Variants in FCHSD2 observed in about 807,000 individuals in gnomAD.
The protein encoded by FCHSD2 is FCH and double SH3 domains 2.
A neutral mutation model predicts 108.1 loss-of-function variants in FCHSD2; 38 were observed. That is an observed-to-expected ratio of 0.35 (90% CI 0.27 to 0.46). The LOEUF is 0.46. Among genes scored for constraint, FCHSD2 ranks in the 20% least tolerant of loss-of-function variants. FCHSD2 has a pLI of 1.00. For synonymous variants in FCHSD2, 279 were observed against 314.7 expected (o/e 0.89, Z 1.20); for missense variants, 751 against 897.8 (o/e 0.84, Z 2.09).
intron 8 of FCHSD2, 135 bp from the exon 9 acceptor site, chr11:72,922,085 T>G (rs1855985744): frequency 1.7e-6 from 1 of 604,370 alleles, no homozygotes; most frequent in African/African-American, 1.9e-5. Flanking sequence ...AGATACAGAT[T>G]GTAAGTAAAT....
At chr11:73,102,660 G>C (rs1006856120) in intron 2 of FCHSD2, among the ~76,000 whole-genome samples, 8 of 152,176 alleles carry the variant, frequency 5.3e-5, no homozygotes, top group Admixed American at 5.2e-4. Context: ...ATAGGGGTGA[G>C]ATTAATGCCA....
intron 3 of FCHSD2, among the ~76,000 whole-genome samples, chr11:73,021,564 G>A (rs746151468): frequency 2.6e-5 from 4 of 152,114 alleles, no homozygotes; most frequent in African/African-American, 7.2e-5. Context: ...TTGGAGGATG[G>A]AAGCTAGAAG....
intron 13 of FCHSD2, among the ~76,000 whole-genome samples, chr11:72,855,838 A>G (rs887437467): frequency 3.3e-5 from 5 of 152,222 alleles, no homozygotes; most frequent in Non-Finnish European, 7.3e-5. Flanking sequence ...AATGAGAAGA[A>G]TAAAGACTGG....
chr11:72,876,771 TC>T (rs1483569523), intron 12 of FCHSD2, among the ~76,000 whole-genome samples: 1 of 152,194 alleles, frequency 6.6e-6, no homozygotes, highest in Non-Finnish European at 1.5e-5. Flanking sequence ...TCCTAAAGAC[TC>T]CTACTACAAT....
chr11:72,994,126 T>C (rs545954415), intron 5 of FCHSD2, among the ~76,000 whole-genome samples: 116 of 152,252 alleles, frequency 7.6e-4, no homozygotes, highest in Non-Finnish European at 1.3e-3. Flanking sequence ...ACAGAATAAC[T>C]GGTCAGCTAT....
intron 3 of FCHSD2, among the ~76,000 whole-genome samples, chr11:73,038,611 C>T (rs891886837): frequency 2.0e-5 from 3 of 152,086 alleles, no homozygotes; most frequent in Non-Finnish European, 4.4e-5. Context: ...AAACCAAATA[C>T]CACATGTTCT....
intron 2 of FCHSD2, among the ~76,000 whole-genome samples, chr11:73,134,469 CA>C (rs906798899): frequency 7.2e-4 from 101 of 140,588 alleles, no homozygotes; most frequent in African/African-American, 1.6e-3. Flanking sequence ...GACCCTGTCT[CA>C]AAAAAAAAAA....
chr11:73,118,882 T>C (rs968677580), intron 2 of FCHSD2, among the ~76,000 whole-genome samples: 1 of 152,186 alleles, frequency 6.6e-6, no homozygotes, highest in Non-Finnish European at 1.5e-5. Context: ...GAAAACCACA[T>C]TTGGTTCCTG....
chr11:73,100,795 G>C (rs1243526248), intron 2 of FCHSD2, among the ~76,000 whole-genome samples: 1 of 152,016 alleles, frequency 6.6e-6, no homozygotes, highest in Admixed American at 6.6e-5. Context: ...TCTAAATCTG[G>C]TGCTATTATC....
intron 8 of FCHSD2, among the ~76,000 whole-genome samples, chr11:72,939,609 CTTTTTTTTTTTTTTTTT>C (rs1194333407): frequency 1.5e-5 from 1 of 65,464 alleles, no homozygotes. Context: ...CTTTCTTTTC[CTTTTTTTTTTTTTTTTT>C]TTTTTTTTTT....
chr11:73,047,124 T>A (rs977210067), intron 3 of FCHSD2, among the ~76,000 whole-genome samples: 7 of 151,862 alleles, frequency 4.6e-5, no homozygotes, highest in African/African-American at 1.7e-4. Flanking sequence ...AAACTACATA[T>A]TAAATGAGTA....
intron 13 of FCHSD2, among the ~76,000 whole-genome samples, chr11:72,851,167 C>T (rs1861278719): frequency 6.9e-6 from 1 of 144,824 alleles, no homozygotes; most frequent in Non-Finnish European, 1.5e-5. Context: ...AGGATTTCAT[C>T]TATGGCTGGT....
At chr11:73,096,056 A>C in intron 2 of FCHSD2, among the ~76,000 whole-genome samples, 1 of 152,140 alleles carries the variant, frequency 6.6e-6, no homozygotes, top group East Asian at 1.9e-4. Context: ...AAACCTTCTC[A>C]TTCAAAAATA....
chr11:73,069,805 T>C (rs1859389893), intron 3 of FCHSD2, among the ~76,000 whole-genome samples: 1 of 152,140 alleles, frequency 6.6e-6, no homozygotes, highest in African/African-American at 2.4e-5. Context: ...AAATAACAAA[T>C]GACTCTGGGT....
At chr11:73,138,064 C>A (rs1467076919) in intron 2 of FCHSD2, among the ~76,000 whole-genome samples, 1 of 152,112 alleles carries the variant, frequency 6.6e-6, no homozygotes. Context: ...TAGTATATTG[C>A]AAGCAAAATG....
At chr11:72,966,335 T>A (rs1348560707) in intron 8 of FCHSD2, among the ~76,000 whole-genome samples, 2 of 152,068 alleles carry the variant, frequency 1.3e-5, no homozygotes, top group Non-Finnish European at 2.9e-5. Flanking sequence ...AATTTTTGCA[T>A]TTTTAGTAGA....
rs571550090 is a variant in FCHSD2, at chr11:73,048,778, G to GTA, written c.166-32895_166-32894dup. Among the ~76,000 whole-genome samples, 43 of 152,278 alleles carry GTA rather than the reference G, an allele frequency of 2.8e-4. No homozygotes were observed. In the East Asian group the frequency reaches 8.1e-3, roughly 29 times the overall value. On this transcript the variant is annotated intron_variant, in intron 3 of 19. Transcript: ENST00000409418. ...TAAAATCAGTAAGACAGGGATGTAT[G>GTA]TATAGTTCACCTCAAGAGAAAGGGT...
At chr11:73,058,634 C>T (rs1269312688) in intron 3 of FCHSD2, among the ~76,000 whole-genome samples, 4 of 146,722 alleles carry the variant, frequency 2.7e-5, no homozygotes, top group Non-Finnish European at 6.0e-5. Context: ...CTTGCTCTGT[C>T]GCCCAGGCTG....
chr11:72,853,936 T>C (rs907355980), intron 13 of FCHSD2, among the ~76,000 whole-genome samples: 2 of 152,188 alleles, frequency 1.3e-5, no homozygotes, highest in African/African-American at 2.4e-5. Context: ...TTCCAAATAA[T>C]TTATGTAAAT....
Sources: gnomAD v4.1 joint callset for allele counts (sites outside exome capture counted in the v4.1 genomes callset) on GRCh38, gnomAD v4.1.1 for gene constraint, MANE v1.5 for transcripts, NCBI Gene and HGNC (gene_info 2026-07-23, HGNC 2026-07-21) for gene names.